The following TWSG1 variants were observed in gnomAD, a reference collection of about 807,000 sequenced individuals.
The protein encoded by TWSG1 is twisted gastrulation BMP signaling modulator 1.
A neutral mutation model predicts 23.0 loss-of-function variants in TWSG1; 15 were observed. The ratio of observed to expected loss-of-function variants is 0.65; its 90% CI spans 0.44 to 1.00. The LOEUF (loss-of-function observed/expected upper bound fraction) is 1.00, where lower values mean the gene tolerates loss of function less well. Among genes scored for constraint, TWSG1 ranks in the 50% least tolerant of loss-of-function variants. The probability of loss-of-function intolerance (pLI) is 0.00; values close to 1 mark genes in which losing one functional copy is unlikely to be tolerated. For missense variants in TWSG1, 242 were observed against 278.7 expected, an observed-to-expected ratio of 0.87 and a Z score of 0.94; for synonymous variants, 86 against 92.8, an observed-to-expected ratio of 0.93 and a Z score of 0.42.
chr18:9,386,273 A>G (rs561729981), intron 3 of TWSG1, among the ~76,000 whole-genome samples: 13 of 152,114 alleles, frequency 8.5e-5, no homozygotes, highest in African/African-American at 2.9e-4. Flanking sequence ...CAGCCTGGCT[A>G]ACATGGTGAA....
At chr18:9,344,531 AT>A (rs386387024) in intron 2 of TWSG1, among the ~76,000 whole-genome samples, 53 of 102,078 alleles carry the variant, frequency 5.2e-4, no homozygotes, top group Middle Eastern at 0.014. Flanking sequence ...GTATGTATGT[AT>A]TTTTTTTTTT....
intron 2 of TWSG1, among the ~76,000 whole-genome samples, chr18:9,350,916 A>G (rs1269248747): frequency 1.3e-5 from 2 of 152,110 alleles, no homozygotes; most frequent in Non-Finnish European, 2.9e-5. Flanking sequence ...ATAGGGGCTA[A>G]TTGAATATTT....
intron 3 of TWSG1, among the ~76,000 whole-genome samples, chr18:9,388,661 A>G (rs2040696904): frequency 6.6e-6 from 1 of 152,230 alleles, no homozygotes; most frequent in South Asian, 2.1e-4. Flanking sequence ...TGTTAAATGC[A>G]CAAAACTGCC....
chr18:9,349,275 T>C (rs1432293804), intron 2 of TWSG1, among the ~76,000 whole-genome samples: 1 of 152,210 alleles, frequency 6.6e-6, no homozygotes, highest in African/African-American at 2.4e-5. Flanking sequence ...TCAAGTCCCA[T>C]TTTGTATTAA....
At chr18:9,376,058 G>A (rs750047853) in intron 3 of TWSG1, among the ~76,000 whole-genome samples, 1 of 152,060 alleles carries the variant, frequency 6.6e-6, no homozygotes, top group Non-Finnish European at 1.5e-5. Flanking sequence ...GGGATTACAG[G>A]TGCCTGCCAC....
chr18:9,393,501 ACTCTGT>A, intron 3 of TWSG1, among the ~76,000 whole-genome samples: 1 of 152,044 alleles, frequency 6.6e-6, no homozygotes. Flanking sequence ...AGTTTTCTAT[ACTCTGT>A]CTCTGATTCT....
At chr18:9,348,791 T>G (rs1163931513) in intron 2 of TWSG1, among the ~76,000 whole-genome samples, 2 of 152,234 alleles carry the variant, frequency 1.3e-5, no homozygotes, top group Non-Finnish European at 2.9e-5. Context: ...AGAGAGAATT[T>G]AGGTTTCTTT....
At chr18:9,394,873 C>T (rs2040727862) in intron 3 of TWSG1, among the ~76,000 whole-genome samples, 1 of 152,102 alleles carries the variant, frequency 6.6e-6, no homozygotes, top group Non-Finnish European at 1.5e-5. Flanking sequence ...ACACTCCAGT[C>T]TATATTTTCA....
intron 3 of TWSG1, among the ~76,000 whole-genome samples, chr18:9,381,520 A>G (rs2040656128): frequency 6.6e-6 from 1 of 152,248 alleles, no homozygotes; most frequent in Non-Finnish European, 1.5e-5. Flanking sequence ...ATCTAGGTAG[A>G]TTACTTAAGG....
At chr18:9,336,395 GAA>G (rs879273666) in intron 1 of TWSG1, among the ~76,000 whole-genome samples, 2 of 113,972 alleles carry the variant, frequency 1.8e-5, no homozygotes, top group African/African-American at 3.2e-5. Context: ...ACGTCTAAAA[GAA>G]AAAAAAAAAA....
At chr18:9,384,182 G>C (rs1209821909) in intron 3 of TWSG1, among the ~76,000 whole-genome samples, 1 of 152,138 alleles carries the variant, frequency 6.6e-6, no homozygotes, top group Non-Finnish European at 1.5e-5. Flanking sequence ...TTTGGAAATG[G>C]GAACTGAGGG....
Position 9,340,626 on chromosome 18 carries a change from G to A in TWSG1, c.123+3274G>A, listed in dbSNP as rs187810549. 9.0e-4 allele frequency among the ~76,000 whole-genome samples: 137 copies of A among 152,222 alleles called. 1 individual carries two copies. Among genetic ancestry groups the A allele is most frequent in the African/African-American group, 3.0e-3 (126 of 41,564 alleles). Reference sequence around the variant, plus strand: ...TGGAAACAGCATTTATTTTGCTCACGAATTTGCATTCTGAGCAGGGCTCTG... The same window carrying A: ...TGGAAACAGCATTTATTTTGCTCACAAATTTGCATTCTGAGCAGGGCTCTG... On this transcript the variant is annotated intron_variant, in intron 2 of 4. Transcript: ENST00000262120.
intron 3 of TWSG1, among the ~76,000 whole-genome samples, chr18:9,361,849 A>C (rs779449874): frequency 7.2e-5 from 11 of 152,196 alleles, no homozygotes; most frequent in Non-Finnish European, 1.5e-4. Context: ...CAGGGACCTG[A>C]AGGTATAACT....
intron 3 of TWSG1, among the ~76,000 whole-genome samples, chr18:9,380,636 C>T (rs1268728372): frequency 2.0e-5 from 3 of 152,180 alleles, no homozygotes; most frequent in Non-Finnish European, 2.9e-5. Flanking sequence ...AGTCTATGAA[C>T]TTAGATTTTC....
intron 3 of TWSG1, among the ~76,000 whole-genome samples, chr18:9,392,160 C>T (rs926770300): frequency 4.1e-4 from 62 of 152,210 alleles, no homozygotes; most frequent in African/African-American, 1.3e-3. Flanking sequence ...CTTTTGAAAC[C>T]AGGCATTGAC....
intron 3 of TWSG1, among the ~76,000 whole-genome samples, chr18:9,393,465 C>T (rs2040721360): frequency 6.6e-6 from 1 of 152,200 alleles, no homozygotes; most frequent in South Asian, 2.1e-4. Context: ...GTCACCTTGC[C>T]CCTTTATAGC....
At chr18:9,339,373 C>T (rs962768562) in intron 2 of TWSG1, among the ~76,000 whole-genome samples, 7 of 152,102 alleles carry the variant, frequency 4.6e-5, no homozygotes, top group Non-Finnish European at 8.8e-5. Flanking sequence ...CTTGACTTCC[C>T]AGGCTCCAGC....
chr18:9,373,305 G>A (rs1465708826), intron 3 of TWSG1, among the ~76,000 whole-genome samples: 1 of 152,126 alleles, frequency 6.6e-6, no homozygotes, highest in African/African-American at 2.4e-5. Flanking sequence ...GAGGCAGGTG[G>A]ATCACTTGAG....
At chr18:9,368,678 C>T (rs1229474382) in intron 3 of TWSG1, among the ~76,000 whole-genome samples, 3 of 151,678 alleles carry the variant, frequency 2.0e-5, no homozygotes, top group South Asian at 2.1e-4. Flanking sequence ...CTGGGCACGG[C>T]GGCTCATGCC....
Sources: gnomAD v4.1 joint callset for allele counts (sites outside exome capture counted in the v4.1 genomes callset) on GRCh38, gnomAD v4.1.1 for gene constraint, MANE v1.5 for transcripts, NCBI Gene and HGNC (gene_info 2026-07-23, HGNC 2026-07-21) for gene names.